Variants in NEXMIF observed in about 807,000 individuals in gnomAD.
NEXMIF encodes the protein XLMR protein related to neurite extension.
Under a neutral mutation model 62.1 loss-of-function variants are expected in NEXMIF, and 8 were observed. The observed-to-expected ratio is 0.13, with a 90% confidence interval of 0.08 to 0.23. The LOEUF (loss-of-function observed/expected upper bound fraction) is 0.23. NEXMIF is among the 10% of genes least tolerant of loss of function. The probability of loss-of-function intolerance (pLI) is 1.00; values close to 1 mark genes in which losing one functional copy is unlikely to be tolerated. For synonymous variants in NEXMIF, 404 were observed against 416.6 expected, an observed-to-expected ratio of 0.97 and a Z score of 0.37; for missense variants, 976 against 1,113.3, an observed-to-expected ratio of 0.88 and a Z score of 1.75.
intron 1 of NEXMIF, among the ~76,000 whole-genome samples, chrX:74,843,855 T>A (rs1251774968): frequency 4.4e-5 from 5 of 112,398 alleles, no homozygotes; most frequent in Non-Finnish European, 9.4e-5. Flanking sequence ...TTGGCTTGTT[T>A]ATGTGGTTGC....
In NEXMIF at chrX:74,910,758, G is replaced by A. The variant is rs183429410; in HGVS notation, c.-48+14125C>T. Among the ~76,000 whole-genome samples the A allele has an allele frequency of 3.1e-3, 345 of 111,099 alleles. 1 individual carries two copies. Among genetic ancestry groups the A allele is most frequent in the African/African-American group, 1.0e-2 (305 of 30,524 alleles). On this transcript the variant is annotated intron_variant, in intron 1 of 3. Coordinates refer to ENST00000055682, the MANE Select transcript of NEXMIF (RefSeq NM_001008537.3). ...CCTTGTCAGAGATAATTTGAATCAC[G>A]GGGGCAGTTTCCCCCATACTGTTGT... is the stretch of plus-strand genomic sequence containing the variant.
rs925018002 is a variant in NEXMIF, at chrX:74,735,197, G to C, written c.*4208C>G. ...ATGAAAATGGTTACTCCTTAAATTA[G>C]ATAATTTCTCAATAATAAAGGAGAA... On this transcript the variant is annotated 3_prime_UTR_variant, in exon 4 of 4. Transcript: ENST00000055682. The C allele has an allele frequency of 7.2e-5, 8 of 111,536 alleles. No individual in the cohort carries two copies. Among genetic ancestry groups the C allele is most frequent in the African/African-American group, 2.6e-4 (8 of 30,641 alleles). 9.2% of individuals were successfully genotyped at this position (111,536 alleles called of 1,213,427 possible).
rs1185824079 is a variant in NEXMIF at position 74,796,285 on chromosome X, ATATATAT to A, written c.-47-50595_-47-50589del. Among the ~76,000 whole-genome samples the A allele has an allele frequency of 1.3e-3, 27 of 20,822 alleles. 1 individual carries two copies. Among genetic ancestry groups the A allele is most frequent in the South Asian group, 0.01 (1 of 98 alleles). The allele number at this position is 20,822 out of a possible 115,157, so 18.1% of individuals were successfully genotyped here. A position where few individuals can be genotyped will look rare whatever the true frequency, so the allele number is the denominator to read the frequency against. On this transcript the variant is annotated intron_variant, in intron 1 of 3. Transcript: ENST00000055682. Reference sequence around the variant, plus strand: ...TATATTATATATATACATATATATTATATATATTATATATATATACACACACACACAC... The same window carrying A: ...TATATTATATATATACATATATATTATATATATATATACACACACACACAC...
chrX:74,845,180 G>T (rs5981705), intron 1 of NEXMIF, among the ~76,000 whole-genome samples: 1,127 of 111,060 alleles, frequency 0.01, 14 homozygotes, highest in African/African-American at 0.035. Flanking sequence ...CTGAGTGGCA[G>T]GAGTGACATA....
chrX:74,744,439 C>T lies in NEXMIF; in HGVS notation c.118G>A (p.Ala40Thr), dbSNP rs756980953. ...DQDVAMKSFA[A>T]LEAAAPIQPT... ...TGGATAGGTGCAGCAGCTTCTAGAGCTGCAAATGACTTCATTGCCACATCC... is the reference window on the plus strand; with the variant it reads ...TGGATAGGTGCAGCAGCTTCTAGAGTTGCAAATGACTTCATTGCCACATCC... Residue 40 changes from alanine (A) to threonine (T), a missense_variant, in exon 3 of 4, where the codon GCT becomes ACT. Coordinates refer to ENST00000055682, the MANE Select transcript of NEXMIF (RefSeq NM_001008537.3). 8.3e-7 allele frequency: 1 copy of T among 1,203,834 alleles called. No individual in the cohort carries two copies.
At chrX:74,924,087 G>C (rs184770743) in intron 1 of NEXMIF, among the ~76,000 whole-genome samples, 2 of 111,962 alleles carry the variant, frequency 1.8e-5, no homozygotes, top group Non-Finnish European at 3.8e-5. Flanking sequence ...GAATTCCTCA[G>C]CGGAACGGCG....
At chrX:74,823,529 C>A (rs765324333) in intron 1 of NEXMIF, among the ~76,000 whole-genome samples, 1 of 111,303 alleles carries the variant, frequency 9.0e-6, no homozygotes, top group East Asian at 2.8e-4. Context: ...ATAATTGTGA[C>A]AATTGATGAA....
intron 1 of NEXMIF, among the ~76,000 whole-genome samples, chrX:74,920,424 C>A (rs1411691021): frequency 1.3e-4 from 15 of 112,046 alleles, no homozygotes; most frequent in African/African-American, 4.9e-4. Context: ...TAAATGTCTT[C>A]TTTTGAGAAG....
At chrX:74,801,061 G>A (rs187779247) in intron 1 of NEXMIF, among the ~76,000 whole-genome samples, 4 of 111,177 alleles carry the variant, frequency 3.6e-5, no homozygotes, top group African/African-American at 9.8e-5. Context: ...TCGTATAGTC[G>A]GAATCATACA....
chrX:74,740,465 T>A lies in NEXMIF; in HGVS notation c.4092A>T (p.Leu1364Phe), dbSNP rs781061256. ...FYSPESNSLK[L>F]KTLKILAGTP... ...TCCCAGCCAATATTTTGAGGGTTTT[T>A]AATTTTAGACTATTGGACTCAGGGG... The change falls in exon 3 of 4, where the codon TTA (leucine) becomes TTT (phenylalanine). Residue 1364 changes from leucine (L) to phenylalanine (F), a missense_variant. This residue lies in a region of NEXMIF where 137 missense variants were observed against 128.9 expected (regional missense o/e 1.06). Coordinates refer to ENST00000055682, the MANE Select transcript of NEXMIF (RefSeq NM_001008537.3). The A allele has an allele frequency of 1.7e-6, 2 of 1,211,530 alleles. No individual in the cohort carries two copies. The highest frequency in any genetic ancestry group is 3.0e-5 in the East Asian group (1 of 33,813).
intron 1 of NEXMIF, among the ~76,000 whole-genome samples, chrX:74,858,892 T>C (rs1408883228): frequency 9.1e-6 from 1 of 109,556 alleles, no homozygotes; most frequent in East Asian, 2.9e-4. Flanking sequence ...GCATCAGTCT[T>C]TTAATAGCAG....
chrX:74,797,942 C>T (rs1034417871), intron 1 of NEXMIF, among the ~76,000 whole-genome samples: 8 of 112,059 alleles, frequency 7.1e-5, no homozygotes, highest in African/African-American at 2.6e-4. Flanking sequence ...CAGTGTTCTC[C>T]GGGAAATGAG....
At chrX:74,850,424 G>A (rs1270019597) in intron 1 of NEXMIF, among the ~76,000 whole-genome samples, 1 of 112,128 alleles carries the variant, frequency 8.9e-6, no homozygotes, top group Non-Finnish European at 1.9e-5. Flanking sequence ...TGGCCTGCCA[G>A]GACCAACTAA....
chrX:74,771,907 T>A lies in NEXMIF; in HGVS notation c.-47-26210A>T, dbSNP rs768434151. Among the ~76,000 whole-genome samples the A allele has an allele frequency of 5.2e-4, 58 of 111,676 alleles. 1 individual carries two copies. Among genetic ancestry groups the A allele is most frequent in the African/African-American group, 1.8e-3 (54 of 30,740 alleles). On this transcript the variant is annotated intron_variant, in intron 1 of 3. Coordinates refer to ENST00000055682, the MANE Select transcript of NEXMIF (RefSeq NM_001008537.3). The stretch of plus-strand genomic sequence containing the variant: ...AAAAGTGGTAGTACTTATCTTCTTC[T>A]CCCTCTTCACCACTCAGAGTACCAT...
intron 1 of NEXMIF, among the ~76,000 whole-genome samples, chrX:74,760,570 C>G (rs2080172831): frequency 9.0e-6 from 1 of 111,411 alleles, no homozygotes; most frequent in Admixed American, 9.6e-5. Flanking sequence ...CCTTCAATAC[C>G]TAGTTTATTG....
At position 74,742,347 on chromosome X, in the gene NEXMIF, C is replaced by A. The variant is rs2080108808; in HGVS notation, c.2210G>T (p.Gly737Val). The A allele has an allele frequency of 2.5e-6, 3 of 1,210,906 alleles. No individual in the cohort carries two copies. Among genetic ancestry groups the A allele is most frequent in the Non-Finnish European group, 3.4e-6 (3 of 894,899 alleles). ...TTGAACAATTGGCTTGCTTTCTTGCCCAGCAGCTTTGACTTTCTTAGATTT... is the reference window on the plus strand; with the variant it reads ...TTGAACAATTGGCTTGCTTTCTTGCACAGCAGCTTTGACTTTCTTAGATTT... ...RLKSKKVKAA[G>V]QESKPIVQMS... is the part of the protein sequence containing the mutation. The change falls in exon 3 of 4, where the codon GGG becomes GTG. Residue 737 changes from glycine (G) to valine (V), a missense_variant. Coordinates refer to ENST00000055682, the MANE Select transcript of NEXMIF (RefSeq NM_001008537.3).
At chrX:74,822,340 G>A (rs961860286) in intron 1 of NEXMIF, among the ~76,000 whole-genome samples, 9 of 111,697 alleles carry the variant, frequency 8.1e-5, no homozygotes, top group African/African-American at 2.9e-4. Context: ...TAGATAAATT[G>A]AACTTCAAAA....
At chrX:74,838,674 T>C (rs1312456800) in intron 1 of NEXMIF, among the ~76,000 whole-genome samples, 2 of 111,671 alleles carry the variant, frequency 1.8e-5, no homozygotes, top group Non-Finnish European at 3.8e-5. Context: ...TCTTTTTATT[T>C]AAATTGTTGG....
intron 1 of NEXMIF, among the ~76,000 whole-genome samples, chrX:74,899,485 T>C (rs1373071754): frequency 9.0e-6 from 1 of 111,175 alleles, no homozygotes; most frequent in African/African-American, 3.3e-5. Context: ...TATGATAGCA[T>C]CAAAAACAAT....
Sources: allele counts gnomAD v4.1 joint callset (sites outside exome capture counted in the v4.1 genomes callset), GRCh38; gene constraint gnomAD v4.1.1; regional missense constraint gnomAD v4.1.1; transcripts MANE v1.5; gene names NCBI Gene and HGNC (gene_info 2026-07-23, HGNC 2026-07-21).